Variants in TVP23A observed in about 807,000 individuals in gnomAD.
TVP23A encodes the protein trans-golgi network vesicle protein 23 homolog A.
In TVP23A, 21 loss-of-function variants were observed where a neutral mutation model predicts 31.7. That is an observed-to-expected ratio of 0.66 (90% CI 0.47 to 0.95). The LOEUF (loss-of-function observed/expected upper bound fraction) is 0.95, where lower values mean the gene tolerates loss of function less well. Ranked by LOEUF, TVP23A falls within the 40% of genes least tolerant of loss-of-function variation. The probability of loss-of-function intolerance (pLI) is 0.00; values close to 1 mark genes in which losing one functional copy is unlikely to be tolerated. For synonymous variants in TVP23A, 104 were observed against 96.0 expected (o/e 1.08, Z -0.49); for missense variants, 279 against 255.6 (o/e 1.09, Z -0.62).
intron 2 of TVP23A, among the ~76,000 whole-genome samples, chr16:10,788,113 G>T (rs1466322224): frequency 1.3e-5 from 2 of 152,120 alleles, no homozygotes; most frequent in African/African-American, 4.8e-5. Context: ...ATGTACACTG[G>T]TTTGGTCTGG....
At chr16:10,766,514 A>C (rs2030896212), downstream of TVP23A, among the ~76,000 whole-genome samples, 1 of 152,170 alleles carries the variant, frequency 6.6e-6, no homozygotes, top group Admixed American at 6.5e-5. The surrounding 1 kb of genome is among the most constrained non-coding windows in gnomAD (Gnocchi z 4.8). Context: ...TAGCCCCAGC[A>C]TGACTATTCT....
downstream of TVP23A, chr16:10,758,125 T>G: frequency 1.2e-4 from 169 of 1,386,276 alleles, no homozygotes; most frequent in Non-Finnish European, 1.5e-4. Flanking sequence ...ACCAAGGCTC[T>G]TCCCAGTGTG....
rs752084333 is a variant in TVP23A at position 10,774,972 on chromosome 16, G to C, written c.214C>G (p.Leu72Val). The C allele has an allele frequency of 1.2e-6, 2 of 1,613,014 alleles. No homozygotes were observed. The highest frequency in any genetic ancestry group is 1.1e-5 in the South Asian group (1 of 90,864). ...CTCACCTTCACAGACCAGAAGTCCAGGGACAGGAGGAGCAGCACCATGACA... is the reference window on the plus strand; with the variant it reads ...CTCACCTTCACAGACCAGAAGTCCACGGACAGGAGGAGCAGCACCATGACA... ...CFVMVLLLLS[L>V]DFWSVKNVTG... Residue 72 changes from leucine (L) to valine (V), a missense_variant, in exon 3 of 8, where the codon CTG becomes GTG. Coordinates refer to ENST00000299866, the MANE Select transcript of TVP23A (RefSeq NM_001079512.4).
At chr16:10,807,464 A>C (rs530984575) in intron 2 of TVP23A, among the ~76,000 whole-genome samples, 31 of 152,306 alleles carry the variant, frequency 2.0e-4, no homozygotes, top group Middle Eastern at 3.4e-3. Flanking sequence ...GGATAATCTA[A>C]ATCAGAGATC....
chr16:10,814,063 A>G (rs896134115), intron 2 of TVP23A, among the ~76,000 whole-genome samples: 2 of 150,128 alleles, frequency 1.3e-5, no homozygotes, highest in African/African-American at 4.9e-5. Context: ...GGGTAAATTC[A>G]TTTGTTCTCA....
At chr16:10,771,291 A>G (rs890929715) in intron 6 of TVP23A, among the ~76,000 whole-genome samples, 1 of 152,182 alleles carries the variant, frequency 6.6e-6, no homozygotes, top group Non-Finnish European at 1.5e-5. Flanking sequence ...CTGTAATCCC[A>G]GCACTTTGGG....
chr16:10,791,289 ATTTC>A (rs1435889556), intron 2 of TVP23A, among the ~76,000 whole-genome samples: 1 of 152,074 alleles, frequency 6.6e-6, no homozygotes, highest in African/African-American at 2.4e-5. Flanking sequence ...GGGTGTTGCT[ATTTC>A]TTTCTTTGGC....
At chr16:10,771,545 T>C (rs2031622240) in intron 6 of TVP23A, 125 bp downstream of exon 6, 30 of 1,292,802 alleles carry the variant, frequency 2.3e-5, no homozygotes, top group Non-Finnish European at 3.0e-5. Flanking sequence ...CCAAAAAATA[T>C]ATAAACAATA....
chr16:10,773,964 C>T, intron 4 of TVP23A, 75 bp downstream of exon 4: 1 of 1,222,134 alleles, frequency 8.2e-7, no homozygotes, highest in East Asian at 2.5e-5. Flanking sequence ...ATGCACAAAA[C>T]TCCAAAGGAA....
intron 2 of TVP23A, among the ~76,000 whole-genome samples, chr16:10,785,917 A>G (rs573502156): frequency 9.2e-5 from 14 of 152,204 alleles, no homozygotes; most frequent in South Asian, 2.1e-4. Context: ...GGTACCCTAC[A>G]GGTGGTGTTG....
downstream of TVP23A, chr16:10,758,175 C>A: frequency 1.1e-6 from 1 of 919,112 alleles, no homozygotes; most frequent in Non-Finnish European, 1.6e-6. Flanking sequence ...GCAGAAACCT[C>A]GTGTTAAAAA....
chr16:10,797,392 A>T (rs1042130296), intron 2 of TVP23A, among the ~76,000 whole-genome samples: 5 of 151,946 alleles, frequency 3.3e-5, no homozygotes, highest in African/African-American at 9.7e-5. Flanking sequence ...CATAAAAAAA[A>T]AAATAAAAGA....
At chr16:10,811,359 C>T (rs532931084) in intron 2 of TVP23A, among the ~76,000 whole-genome samples, 2 of 152,252 alleles carry the variant, frequency 1.3e-5, no homozygotes, top group South Asian at 4.1e-4. Flanking sequence ...GCCTTGACCT[C>T]CCAGGCTCAA....
intron 2 of TVP23A, among the ~76,000 whole-genome samples, chr16:10,781,930 C>T (rs2032450193): frequency 7.7e-6 from 1 of 130,308 alleles, no homozygotes; most frequent in Non-Finnish European, 1.5e-5. Context: ...GATATGATCT[C>T]GGCTCACTGC....
chr16:10,796,189 A>C (rs1194724210), intron 2 of TVP23A, among the ~76,000 whole-genome samples: 1 of 151,892 alleles, frequency 6.6e-6, no homozygotes, highest in African/African-American at 2.4e-5. Flanking sequence ...CTCTCCAAAA[A>C]TAATAATATA....
At chr16:10,806,769 A>G (rs769952177) in intron 2 of TVP23A, among the ~76,000 whole-genome samples, 1 of 152,164 alleles carries the variant, frequency 6.6e-6, no homozygotes, top group Non-Finnish European at 1.5e-5. Context: ...TCCAAAGTGC[A>G]TGGATTACAG....
chr16:10,757,939 C>CA, downstream of TVP23A: 1 of 1,614,114 alleles, frequency 6.2e-7, no homozygotes, highest in Admixed American at 1.7e-5. This position sits in a 1 kb window ranked among gnomAD's most constrained non-coding sequence, Gnocchi z 4.1. Flanking sequence ...GTGGACACCC[C>CA]ACCTGGGACG....
chr16:10,761,286 C>T lies in TVP23A; in HGVS notation c.*489G>A. 7 of 1,324,508 alleles carry T rather than the reference C, an allele frequency of 5.3e-6. No homozygotes were observed. The South Asian group carries it at 7.5e-5, about 14-fold the overall frequency. The allele number at this position is 1,324,508 out of a possible 1,614,324, so 82.0% of individuals were successfully genotyped here. ...TTATGATCGCAGATCCACTGCATTG[C>T]AGCCATCCCCTCGGTTGCACAGACA... is the stretch of plus-strand genomic sequence containing the variant. On this transcript the variant is annotated 3_prime_UTR_variant and NMD_transcript_variant, in exon 9 of 9. Coordinates refer to the TVP23A transcript ENST00000456096.
intron 6 of TVP23A, 105 bp from the exon 7 acceptor site, chr16:10,770,436 G>A: frequency 7.7e-7 from 1 of 1,294,462 alleles, no homozygotes; most frequent in Admixed American, 2.7e-5. Flanking sequence ...AAAACCTGCG[G>A]AATTGGTTGC....
Sources: allele counts gnomAD v4.1 joint callset (sites outside exome capture counted in the v4.1 genomes callset), GRCh38; gene constraint gnomAD v4.1.1; non-coding constraint Gnocchi (gnomAD v3.1); transcripts MANE v1.5; gene names NCBI Gene and HGNC (gene_info 2026-07-23, HGNC 2026-07-21).